SEPTIN8: variants seen among roughly 807,000 people sequenced by gnomAD.
SEPTIN8 encodes septin 8.
In SEPTIN8, 22 loss-of-function variants were observed where a neutral mutation model predicts 53.1. The observed-to-expected ratio is 0.41, with a 90% CI of 0.30 to 0.59. SEPTIN8 has a LOEUF of 0.59. Ranked by LOEUF, SEPTIN8 falls within the 20% of genes least tolerant of loss-of-function variation. The pLI, the probability that SEPTIN8 is intolerant of heterozygous loss-of-function variation, is 0.24. For synonymous variants in SEPTIN8, 228 were observed against 248.4 expected (o/e 0.92, Z 0.77); for missense variants, 536 against 638.7 (o/e 0.84, Z 1.73).
At chr5:132,779,631 T>G (rs544636910), upstream of SEPTIN8, among the ~76,000 whole-genome samples, 26 of 152,388 alleles carry the variant, frequency 1.7e-4, 1 homozygote, top group South Asian at 5.0e-3. Context: ...GTTTAAATTT[T>G]TGATGTTGTC....
At position 132,777,160 on chromosome 5, in the gene SEPTIN8, T is replaced by C; in HGVS notation, c.-23A>G. 1.4e-6 allele frequency: 1 copy of C among 690,352 alleles called. No individual in the cohort carries two copies. The allele number at this position is 690,352 out of a possible 1,614,324, so 42.8% of individuals were successfully genotyped here. A position where few individuals can be genotyped will look rare whatever the true frequency, so the allele number is the denominator to read the frequency against. On this transcript the variant is annotated 5_prime_UTR_variant, in exon 1 of 10. Transcript: ENST00000378719. The surrounding 1 kb of genome is among the most constrained non-coding windows in gnomAD (Gnocchi z 4.1). ...CATGGCGAGCTCCGCACCGGGCGGG[T>C]GGGCTGGGACGAGCGCAGGGGCAGC...
In SEPTIN8 at chr5:132,761,115, C is replaced by T. The variant is rs772350543; in HGVS notation, c.1095+18G>A. The stretch of plus-strand genomic sequence containing the variant: ...CCTCCCTCAGCTTCCCCATCCCAGC[C>T]CCCAGCCTGGCACATACCTCCCTTT... On this transcript the variant is annotated intron_variant, in intron 8 of 9. Coordinates refer to ENST00000378719, the MANE Select transcript of SEPTIN8 (RefSeq NM_001098811.2). The surrounding 1 kb of genome is among the most constrained non-coding windows in gnomAD (Gnocchi z 5.8). 1.9e-5 allele frequency: 30 copies of T among 1,613,972 alleles called. No homozygotes were observed. The highest frequency in any genetic ancestry group is 2.5e-5 in the Non-Finnish European group (29 of 1,179,964).
intron 1 of SEPTIN8, among the ~76,000 whole-genome samples, chr5:132,770,143 GTGTATATATATA>G (rs1757165412): frequency 1.0e-5 from 1 of 97,708 alleles, no homozygotes; most frequent in African/African-American, 8.0e-5. Flanking sequence ...GTGTATGTGT[GTGTATATATATA>G]TATATATATA....
rs777862306 is a variant in SEPTIN8, at chr5:132,763,907, A to C, written c.348-15T>G. On this transcript the variant is annotated splice_polypyrimidine_tract_variant and intron_variant, in intron 3 of 9. Transcript: ENST00000378719. ...TGGGCCTGTAACTACAGACAGCTCC[A>C]TCACCCAGGAGGCTGCCAGCTGAGA... 1.3e-6 allele frequency: 2 copies of C among 1,545,394 alleles called. No homozygotes were observed. Among genetic ancestry groups the C allele is most frequent in the South Asian group, 2.5e-5 (2 of 79,042 alleles).
upstream of SEPTIN8, chr5:132,777,309 C>T (rs1200448211): frequency 9.2e-7 from 1 of 1,084,954 alleles, no homozygotes; most frequent in Non-Finnish European, 1.1e-6. The surrounding 1 kb of genome is among the most constrained non-coding windows in gnomAD (Gnocchi z 4.1). Context: ...GGAGCCGCCC[C>T]TGCCCCCGCC....
intron 1 of SEPTIN8, among the ~76,000 whole-genome samples, chr5:132,768,037 C>T (rs767269491): frequency 8.6e-5 from 13 of 150,716 alleles, no homozygotes; most frequent in East Asian, 2.0e-4. Flanking sequence ...TTCCTGTTTT[C>T]CCCCACTTTC....
Position 132,750,991 on chromosome 5 carries a change from G to C in SEPTIN8, c.*1025C>G, listed in dbSNP as rs901219415. 7 of 1,613,596 alleles carry C rather than the reference G, an allele frequency of 4.3e-6. No individual in the cohort carries two copies. Among genetic ancestry groups the C allele is most frequent in the Non-Finnish European group, 5.9e-6 (7 of 1,179,898 alleles). Reference sequence around the variant, plus strand: ...ATATTGGGACGCCGCTGGACTTCTTGACTATAGTGAGTAAGGAGGTGTTTA... The same window carrying C: ...ATATTGGGACGCCGCTGGACTTCTTCACTATAGTGAGTAAGGAGGTGTTTA... On this transcript the variant is annotated 3_prime_UTR_variant, in exon 10 of 10. Coordinates refer to ENST00000378719, the MANE Select transcript of SEPTIN8 (RefSeq NM_001098811.2).
chr5:132,764,173 T>G, intron 3 of SEPTIN8, 51 bp downstream of exon 3: 2 of 1,555,760 alleles, frequency 1.3e-6, no homozygotes, highest in Non-Finnish European at 1.7e-6. Context: ...TAGGGGCCAA[T>G]GTAGGTGGGG....
intron 1 of SEPTIN8, among the ~76,000 whole-genome samples, chr5:132,772,956 A>G (rs1462073713): frequency 1.3e-5 from 2 of 152,096 alleles, no homozygotes; most frequent in Non-Finnish European, 2.9e-5. Flanking sequence ...CTGTCCCTCT[A>G]ATCTGACCTC....
In SEPTIN8 at chr5:132,750,873, A is replaced by C. The variant is rs748825033; in HGVS notation, c.*1143T>G. ...TTTTTACAGTTTATTCCACAAGTAA[A>C]AGACTTCACAAAGCACTATGGCTCT... On this transcript the variant is annotated 3_prime_UTR_variant, in exon 10 of 10. Coordinates refer to ENST00000378719, the MANE Select transcript of SEPTIN8 (RefSeq NM_001098811.2). 2 of 1,614,042 alleles carry C rather than the reference A, an allele frequency of 1.2e-6. No homozygotes were observed. The highest frequency in any genetic ancestry group is 2.2e-5 in the South Asian group (2 of 91,022).
chr5:132,772,435 C>T (rs1468192102), intron 1 of SEPTIN8, among the ~76,000 whole-genome samples: 5 of 152,158 alleles, frequency 3.3e-5, no homozygotes, highest in Non-Finnish European at 5.9e-5. Flanking sequence ...GGGGAAGGTG[C>T]TCTGGGCTGC....
At chr5:132,753,028 C>A in intron 9 of SEPTIN8, 1 of 1,340,752 alleles carries the variant, frequency 7.5e-7, no homozygotes, top group Non-Finnish European at 1.1e-6. Flanking sequence ...CTTGCTTGGA[C>A]TACCATGAGT....
chr5:132,763,899 A>G lies in SEPTIN8; in HGVS notation c.348-7T>C, dbSNP rs1756275882. The G allele has an allele frequency of 1.9e-6, 3 of 1,553,010 alleles. No homozygotes were observed. Among genetic ancestry groups the G allele is most frequent in the Non-Finnish European group, 2.6e-6 (3 of 1,148,074 alleles). On this transcript the variant is annotated splice_polypyrimidine_tract_variant and splice_region_variant and intron_variant, in intron 3 of 9. Transcript: ENST00000378719. Reference sequence around the variant, plus strand: ...GTCAACTATGGGCCTGTAACTACAGACAGCTCCATCACCCAGGAGGCTGCC... The same window carrying G: ...GTCAACTATGGGCCTGTAACTACAGGCAGCTCCATCACCCAGGAGGCTGCC...
At chr5:132,769,772 C>T (rs1756982306) in intron 1 of SEPTIN8, among the ~76,000 whole-genome samples, 2 of 151,496 alleles carry the variant, frequency 1.3e-5, no homozygotes, top group South Asian at 2.1e-4. Flanking sequence ...CATCACTCCC[C>T]GCCTGCTGGA....
chr5:132,762,859 T>G lies in SEPTIN8; in HGVS notation c.535-214A>C, dbSNP rs751007469. Among the ~76,000 whole-genome samples, 43 of 152,044 alleles carry G rather than the reference T, an allele frequency of 2.8e-4. No homozygotes were observed. In the Middle Eastern group the frequency reaches 0.01, roughly 36 times the overall value. On this transcript the variant is annotated intron_variant, in intron 4 of 9. Coordinates refer to ENST00000378719, the MANE Select transcript of SEPTIN8 (RefSeq NM_001098811.2). ...AGTTTCAACAATTGGCTGCAGTGCT[T>G]CTTACAGCCCTGGTTCCCCCAAATC...
chr5:132,757,124 A>G (rs1236502409), intron 9 of SEPTIN8: 1 of 983,540 alleles, frequency 1.0e-6, no homozygotes, highest in African/African-American at 1.7e-5. Flanking sequence ...ACGCTAAGGA[A>G]GCTTAATCTT....
rs1159044809 is a variant in SEPTIN8, at chr5:132,773,226, G to A, written c.30+3882C>T. Among the ~76,000 whole-genome samples, 1 of 152,180 alleles carries A rather than the reference G, an allele frequency of 6.6e-6. No homozygotes were observed. Among genetic ancestry groups the A allele is most frequent in the Non-Finnish European group, 1.5e-5 (1 of 68,040 alleles). On this transcript the variant is annotated intron_variant, in intron 1 of 9. Transcript: ENST00000378719. This position sits in a 1 kb window ranked among gnomAD's most constrained non-coding sequence, Gnocchi z 4.2. The stretch of plus-strand genomic sequence containing the variant: ...AGGCAGATGTGTCTCCCTCCTGCAT[G>A]CATAGCTCTGCATCTGGTTATCTGG...
rs1173010960 is a variant in SEPTIN8 at position 132,764,394 on chromosome 5, T to G, written c.177A>C (p.Thr59=). ...CVGETGIGKS[T]LMNTLFNTTF... Reference sequence around the variant, plus strand: ...TCGTGTTGAAGAGTGTGTTCATCAGTGTGGATTTGCCAATGCCGGTCTCCC... The same window carrying G: ...TCGTGTTGAAGAGTGTGTTCATCAGGGTGGATTTGCCAATGCCGGTCTCCC... Residue 59 remains threonine (T), a synonymous_variant, in exon 3 of 10, where the codon ACA becomes ACC. Transcript: ENST00000378719. 1 of 1,613,836 alleles carries G rather than the reference T, an allele frequency of 6.2e-7. No homozygotes were observed. The highest frequency in any genetic ancestry group is 1.1e-5 in the South Asian group (1 of 91,024).
chr5:132,756,653 GC>G (rs1755368789), intron 9 of SEPTIN8: 1 of 985,372 alleles, frequency 1.0e-6, no homozygotes, highest in Non-Finnish European at 1.2e-6. Context: ...GGGGAGAGGT[GC>G]AGTGAGGCTT....
Sources: allele counts gnomAD v4.1 joint callset (sites outside exome capture counted in the v4.1 genomes callset), GRCh38; gene constraint gnomAD v4.1.1; non-coding constraint Gnocchi (gnomAD v3.1); transcripts MANE v1.5; gene names NCBI Gene and HGNC (gene_info 2026-07-23, HGNC 2026-07-21).